DOCK5: variants seen among roughly 807,000 people sequenced by gnomAD.
The protein encoded by DOCK5 is dedicator of cytokinesis protein 5.
A neutral mutation model predicts 251.8 loss-of-function variants in DOCK5; 142 were observed. The ratio of observed to expected loss-of-function variants is 0.56; its 90% CI spans 0.49 to 0.65. The LOEUF is 0.65. Ranked by LOEUF, DOCK5 falls within the 30% of genes least tolerant of loss-of-function variation. DOCK5 has a pLI of 0.00. For missense variants in DOCK5, 2,111 were observed against 2,312.3 expected (o/e 0.91, Z 1.79); for synonymous variants, 842 against 835.5 (o/e 1.01, Z -0.13).
At chr8:25,392,763 A>G in intron 43 of DOCK5, 33 bp from the exon 44 acceptor site, 1 of 1,574,982 alleles carries the variant, frequency 6.3e-7, no homozygotes, top group Non-Finnish European at 8.7e-7. Flanking sequence ...CTGGGAATTG[A>G]CCAACATTTC....
chr8:25,354,268 T>C (rs755599484), intron 27 of DOCK5, among the ~76,000 whole-genome samples: 3 of 152,204 alleles, frequency 2.0e-5, no homozygotes, highest in Non-Finnish European at 4.4e-5. Flanking sequence ...TAGAGTATTT[T>C]ACATATTTTG....
At chr8:25,283,974 C>T (rs2117138443) in intron 5 of DOCK5, among the ~76,000 whole-genome samples, 1 of 152,282 alleles carries the variant, frequency 6.6e-6, no homozygotes, top group Admixed American at 6.5e-5. Flanking sequence ...CGTACCAAGA[C>T]CTTGGACATT....
In DOCK5 at chr8:25,292,159, G is replaced by T; in HGVS notation, c.457G>T (p.Asp153Tyr). The change falls in exon 6 of 52, where the codon GAT becomes TAT. Residue 153 changes from aspartate (D) to tyrosine (Y), a missense_variant. By Grantham distance (160) the Asp-to-Tyr change is radical. Around this residue, in one of 3 missense-constraint regions of DOCK5, gnomAD observed 335 missense variants for 324.9 expected, o/e 1.03. Coordinates refer to ENST00000276440, the MANE Select transcript of DOCK5 (RefSeq NM_024940.8). The part of the protein sequence containing the change: ...ELKKKVTAKI[D>Y]HGNRMLGLDL... The stretch of plus-strand genomic sequence containing the variant: ...CAAGAAGAAAGTCACAGCCAAAATT[G>T]ATCATGGGAACAGGTAGGTAAACCA... 3.8e-6 allele frequency: 6 copies of T among 1,578,390 alleles called. No individual in the cohort carries two copies. The highest frequency in any genetic ancestry group is 1.2e-5 in the South Asian group (1 of 85,510).
At chr8:25,297,703 T>C (rs1285251369) in intron 7 of DOCK5, among the ~76,000 whole-genome samples, 1 of 152,116 alleles carries the variant, frequency 6.6e-6, no homozygotes, top group African/African-American at 2.4e-5. Flanking sequence ...ATAAATAATA[T>C]TTAAAAATAA....
chr8:25,319,491 G>A, intron 14 of DOCK5, 87 bp from the exon 15 acceptor site: 1 of 827,034 alleles, frequency 1.2e-6, no homozygotes, highest in Non-Finnish European at 2.0e-6. Flanking sequence ...ACGTGTTTGG[G>A]GGTGAGGGGC....
intron 1 of DOCK5, among the ~76,000 whole-genome samples, chr8:25,233,401 C>G (rs1172176833): frequency 6.6e-6 from 1 of 152,208 alleles, no homozygotes; most frequent in Non-Finnish European, 1.5e-5. Context: ...AAACAAATCC[C>G]AAATTCAAAC....
chr8:25,384,642 TAG>T (rs921685173), intron 40 of DOCK5, among the ~76,000 whole-genome samples: 3 of 151,766 alleles, frequency 2.0e-5, no homozygotes, highest in African/African-American at 7.3e-5. Flanking sequence ...TGTATTTTAG[TAG>T]AGATGGGGTT....
At chr8:25,258,125 A>C (rs1437357029) in intron 2 of DOCK5, among the ~76,000 whole-genome samples, 1 of 152,088 alleles carries the variant, frequency 6.6e-6, no homozygotes, top group Non-Finnish European at 1.5e-5. Context: ...GGCTCTGTGA[A>C]GGCACAGAGG....
chr8:25,302,738 C>T (rs574912286), intron 10 of DOCK5, among the ~76,000 whole-genome samples: 12 of 152,192 alleles, frequency 7.9e-5, no homozygotes, highest in African/African-American at 1.4e-4. Flanking sequence ...TTAAACAGGA[C>T]GGGAATTTTG....
At chr8:25,198,242 C>T (rs1430544598) in intron 1 of DOCK5, among the ~76,000 whole-genome samples, 1 of 152,178 alleles carries the variant, frequency 6.6e-6, no homozygotes, top group Non-Finnish European at 1.5e-5. Context: ...ATGCGGCTCT[C>T]ATGACCCAGC....
chr8:25,410,334 C>G lies in DOCK5; in HGVS notation c.5508+132C>G, dbSNP rs566354694. 2.1e-4 allele frequency: 151 copies of G among 720,362 alleles called. No homozygotes were observed. In the African/African-American group the frequency reaches 2.5e-3, roughly 12 times the overall value. The allele number at this position is 720,362 out of a possible 1,614,324, so 44.6% of individuals were successfully genotyped here. A position where few individuals can be genotyped will look rare whatever the true frequency, so the allele number is the denominator to read the frequency against. On this transcript the variant is annotated intron_variant, in intron 51 of 51. Transcript: ENST00000276440. ...ACTGCAGTCGATTCTTGGCTCATTC[C>G]TGAAACCACAGGAGATAGAGAAGTT...
chr8:25,259,993 C>CT (rs1803530637), intron 2 of DOCK5, among the ~76,000 whole-genome samples: 1 of 152,210 alleles, frequency 6.6e-6, no homozygotes, highest in Non-Finnish European at 1.5e-5. Flanking sequence ...GTGCGGACAT[C>CT]TTGAGACCTG....
intron 2 of DOCK5, among the ~76,000 whole-genome samples, chr8:25,261,254 G>A (rs1803572225): frequency 6.6e-6 from 1 of 151,942 alleles, no homozygotes; most frequent in South Asian, 2.1e-4. Context: ...TAAGATTTAG[G>A]ACACGGAGAC....
rs1400446684 is a variant in DOCK5, at chr8:25,209,427, A to G, written c.43+24476A>G. ...CAAGAGACCGCTTAGAAATCAGCAC[A>G]TGTGAATTCTGCTTCAAACTCTGCC... is the stretch of plus-strand genomic sequence containing the variant. On this transcript the variant is annotated intron_variant, in intron 1 of 51. Transcript: ENST00000276440. Among the ~76,000 whole-genome samples, 2 of 70,542 alleles carry G rather than the reference A, an allele frequency of 2.8e-5. 1 individual carries two copies. Among genetic ancestry groups the G allele is most frequent in the Admixed American group, 3.2e-4 (2 of 6,336 alleles). The allele number at this position is 70,542 out of a possible 152,430, so 46.3% of individuals were successfully genotyped here. A position where few individuals can be genotyped will look rare whatever the true frequency, so the allele number is the denominator to read the frequency against.
chr8:25,327,528 A>C (rs1021495168), intron 18 of DOCK5, among the ~76,000 whole-genome samples: 5 of 152,334 alleles, frequency 3.3e-5, no homozygotes, highest in Admixed American at 3.3e-4. Flanking sequence ...TTTCTGTTAG[A>C]GATAACCATA....
chr8:25,300,695 G>A, intron 9 of DOCK5, 38 bp downstream of exon 9: 10 of 1,566,632 alleles, frequency 6.4e-6, no homozygotes, highest in South Asian at 1.2e-5. Context: ...CTCTTTGTTT[G>A]TGATATGAGC....
At chr8:25,374,227 A>G (rs1010466809) in intron 36 of DOCK5, among the ~76,000 whole-genome samples, 2 of 152,140 alleles carry the variant, frequency 1.3e-5, no homozygotes, top group Non-Finnish European at 2.9e-5. Context: ...TTGCTTCTGT[A>G]CAGTAGTGGG....
chr8:25,273,562 G>A (rs1042760534), intron 3 of DOCK5, among the ~76,000 whole-genome samples: 7 of 152,226 alleles, frequency 4.6e-5, no homozygotes, highest in African/African-American at 1.4e-4. Flanking sequence ...GAAATTGTGC[G>A]ACTGTACTCC....
chr8:25,331,270 CAT>C (rs1264849242), intron 18 of DOCK5, among the ~76,000 whole-genome samples: 654 of 146,588 alleles, frequency 4.5e-3, no homozygotes, highest in Middle Eastern at 7.0e-3. Flanking sequence ...CACACACACA[CAT>C]ATATGTGTAT....
Sources: allele counts gnomAD v4.1 joint callset (sites outside exome capture counted in the v4.1 genomes callset), GRCh38; gene constraint gnomAD v4.1.1; regional missense constraint gnomAD v4.1.1; transcripts MANE v1.5; gene names NCBI Gene and HGNC (gene_info 2026-07-23, HGNC 2026-07-21).